The following COL4A6 variants were observed in gnomAD, a reference collection of about 807,000 sequenced individuals.
The protein encoded by COL4A6 is collagen alpha-6(IV) chain.
In COL4A6, 59 loss-of-function variants were observed where a neutral mutation model predicts 126.7. The ratio of observed to expected loss-of-function variants is 0.47; its 90% CI spans 0.38 to 0.58. The LOEUF is 0.58. Among genes scored for constraint, COL4A6 ranks in the 20% least tolerant of loss-of-function variants. COL4A6 has a pLI of 0.00. For synonymous variants in COL4A6, 547 were observed against 496.6 expected (o/e 1.10, Z -1.35); for missense variants, 1,285 against 1,337.3 (o/e 0.96, Z 0.61).
chrX:108,316,939 G>A lies in COL4A6; in HGVS notation c.64-6111C>T, dbSNP rs1318467674. Among the ~76,000 whole-genome samples the A allele has an allele frequency of 3.1e-4, 35 of 111,973 alleles. No homozygotes were observed. In the Admixed American group the frequency reaches 3.2e-3, roughly 10 times the overall value. ...GAAGATTTCATAGACCAATGTAAGA[G>A]CTTTGCCCCTGGAAATCCACTGAAG... is the stretch of plus-strand genomic sequence containing the variant. On this transcript the variant is annotated intron_variant, in intron 2 of 44. Transcript: ENST00000334504.
chrX:108,386,853 T>C (rs1440729801), intron 2 of COL4A6, among the ~76,000 whole-genome samples: 1 of 112,094 alleles, frequency 8.9e-6, no homozygotes, highest in Non-Finnish European at 1.9e-5. Flanking sequence ...TTTTAGGTCT[T>C]ATGCTTAAGT....
chrX:108,327,129 G>A lies in COL4A6; in HGVS notation c.64-16301C>T, dbSNP rs1465781582. Among the ~76,000 whole-genome samples, 6 of 110,864 alleles carry A rather than the reference G, an allele frequency of 5.4e-5. No individual in the cohort carries two copies. In the East Asian group the frequency reaches 1.1e-3, roughly 21 times the overall value. On this transcript the variant is annotated intron_variant, in intron 2 of 44. Transcript: ENST00000334504. The stretch of plus-strand genomic sequence containing the variant: ...GGCCGCACAGCAGGAGGTGAGCAGC[G>A]GGCATGTGAGCACCTGAGTTCTGCC...
intron 3 of COL4A6, among the ~76,000 whole-genome samples, chrX:108,245,272 TC>T (rs1200816618): frequency 1.8e-5 from 2 of 112,193 alleles, no homozygotes; most frequent in Admixed American, 9.4e-5. Context: ...TTCAGATGCT[TC>T]CAACAGAAGG....
Position 108,206,655 on chromosome X carries a change from G to A in COL4A6, c.547-75C>T, listed in dbSNP as rs1257012523. On this transcript the variant is annotated intron_variant, in intron 8 of 44. Transcript: ENST00000334504. ...GAAAAATGAAAATATGTATGTCCAC[G>A]AGAACTGTACAAGAATGTTCATAGC... 2.4e-5 allele frequency: 21 copies of A among 858,425 alleles called. No homozygotes were observed. The Middle Eastern group carries it at 1.1e-3, about 46-fold the overall frequency. 70.7% of individuals were successfully genotyped at this position (858,425 alleles called of 1,213,427 possible). A position where few individuals can be genotyped will look rare whatever the true frequency, so the allele number is the denominator to read the frequency against.
At position 108,397,089 on chromosome X, in the gene COL4A6, A is replaced by G. The variant is rs566509891; in HGVS notation, c.63+40853T>C. ...ACAAATTCAGTTATACACACAGTAG[A>G]TTGGGACTCTTCAACCAAGAAGATT... On this transcript the variant is annotated intron_variant, in intron 2 of 44. Coordinates refer to ENST00000334504, the MANE Select transcript of COL4A6 (RefSeq NM_033641.4). 1.3e-4 allele frequency among the ~76,000 whole-genome samples: 15 copies of G among 112,037 alleles called. No homozygotes were observed. In the South Asian group the frequency reaches 5.6e-3, roughly 42 times the overall value.
At chrX:108,181,549 C>T (rs983942464) in intron 23 of COL4A6, among the ~76,000 whole-genome samples, 4 of 112,136 alleles carry the variant, frequency 3.6e-5, no homozygotes, top group African/African-American at 6.5e-5. Flanking sequence ...TATGACTGTA[C>T]TATGCAAACA....
chrX:108,208,156 T>C (rs1439148514), intron 8 of COL4A6, among the ~76,000 whole-genome samples: 1 of 112,015 alleles, frequency 8.9e-6, no homozygotes, highest in Non-Finnish European at 1.9e-5. Flanking sequence ...ATGCACATAA[T>C]AGCAGAGCTT....
chrX:108,224,031 C>T (rs1345710726), intron 3 of COL4A6, among the ~76,000 whole-genome samples: 2 of 112,200 alleles, frequency 1.8e-5, no homozygotes, highest in Non-Finnish European at 3.8e-5. Flanking sequence ...CAGTCCCATC[C>T]TGCTCACACC....
chrX:108,274,915 A>G (rs1222079630), intron 3 of COL4A6, among the ~76,000 whole-genome samples: 4 of 111,558 alleles, frequency 3.6e-5, no homozygotes, highest in African/African-American at 9.8e-5. Context: ...CTTAATCAGG[A>G]GAGCAATATC....
At chrX:108,256,895 T>C (rs1158220554) in intron 3 of COL4A6, among the ~76,000 whole-genome samples, 5 of 111,295 alleles carry the variant, frequency 4.5e-5, no homozygotes, top group African/African-American at 1.6e-4. Flanking sequence ...GGATGTCAAA[T>C]TGAGGTAGAG....
chrX:108,196,230 G>T (rs1311792721), intron 14 of COL4A6, among the ~76,000 whole-genome samples: 1 of 110,666 alleles, frequency 9.0e-6, no homozygotes, highest in Non-Finnish European at 1.9e-5. Flanking sequence ...TTCTTTCTTG[G>T]TATCATTCTT....
intron 3 of COL4A6, among the ~76,000 whole-genome samples, chrX:108,227,693 A>C (rs1276318020): frequency 8.9e-6 from 1 of 111,975 alleles, no homozygotes; most frequent in Non-Finnish European, 1.9e-5. Context: ...TAATAGATGA[A>C]GCCACCAGGT....
chrX:108,424,750 C>T (rs1488064640), intron 2 of COL4A6, among the ~76,000 whole-genome samples: 1 of 111,966 alleles, frequency 8.9e-6, no homozygotes, highest in East Asian at 2.8e-4. Context: ...TACGGGGTGG[C>T]TCACGCCTGT....
intron 3 of COL4A6, among the ~76,000 whole-genome samples, chrX:108,249,314 T>C (rs2091005136): frequency 9.1e-6 from 1 of 110,390 alleles, no homozygotes; most frequent in South Asian, 3.9e-4. Flanking sequence ...CAACAGGATA[T>C]AGAGTCCTCT....
intron 2 of COL4A6, among the ~76,000 whole-genome samples, chrX:108,399,467 A>C (rs1283842038): frequency 9.0e-6 from 1 of 111,419 alleles, no homozygotes; most frequent in Non-Finnish European, 1.9e-5. Flanking sequence ...AACTCTTTAA[A>C]TACTACAAAT....
rs757570325 is a variant in COL4A6 at position 108,195,599 on chromosome X, A to G, written c.904-473T>C. On this transcript the variant is annotated intron_variant, in intron 14 of 44. Coordinates refer to ENST00000334504, the MANE Select transcript of COL4A6 (RefSeq NM_033641.4). The stretch of plus-strand genomic sequence containing the variant: ...ATGACTTCTTTCTAAGCTCTAATCC[A>G]TCAGGCTAAATAGCCACATGGAGCA... 6.2e-5 allele frequency among the ~76,000 whole-genome samples: 7 copies of G among 112,238 alleles called. No individual in the cohort carries two copies. The South Asian group carries it at 2.2e-3, about 35-fold the overall frequency.
chrX:108,216,807 A>G (rs1461396066), intron 5 of COL4A6, among the ~76,000 whole-genome samples: 2 of 112,726 alleles, frequency 1.8e-5, no homozygotes, highest in Non-Finnish European at 3.7e-5. Flanking sequence ...CCATTTGGTG[A>G]GTGGTGTGTG....
chrX:108,434,295 T>A (rs1169124380), intron 2 of COL4A6, among the ~76,000 whole-genome samples: 1 of 109,752 alleles, frequency 9.1e-6, no homozygotes, highest in Non-Finnish European at 1.9e-5. Context: ...AGAATACTAT[T>A]TTTTTTTTCC....
chrX:108,320,508 GA>G (rs2039000185), intron 2 of COL4A6, among the ~76,000 whole-genome samples: 1 of 111,447 alleles, frequency 9.0e-6, no homozygotes, highest in African/African-American at 3.3e-5. Flanking sequence ...GGAAGGAACT[GA>G]GCACAGGCGG....
Sources: gnomAD v4.1 joint callset for allele counts (sites outside exome capture counted in the v4.1 genomes callset) on GRCh38, gnomAD v4.1.1 for gene constraint, MANE v1.5 for transcripts, NCBI Gene and HGNC (gene_info 2026-07-23, HGNC 2026-07-21) for gene names.